Variants in PIEZO2 observed in about 807,000 individuals in gnomAD.
PIEZO2 encodes the protein piezo type mechanosensitive ion channel component 2.
Under a neutral mutation model 337.3 loss-of-function variants are expected in PIEZO2, and 172 were observed. That is an observed-to-expected ratio of 0.51 (90% CI 0.45 to 0.58). PIEZO2 has a LOEUF of 0.58. Ranked by LOEUF, PIEZO2 falls within the 20% of genes least tolerant of loss-of-function variation. The probability of loss-of-function intolerance (pLI) is 0.00; values close to 1 mark genes in which losing one functional copy is unlikely to be tolerated. For missense variants in PIEZO2, 3,028 were observed against 3,391.3 expected, an observed-to-expected ratio of 0.89 and a Z score of 2.66; for synonymous variants, 1,251 against 1,228.5, an observed-to-expected ratio of 1.02 and a Z score of -0.38.
chr18:10,759,989 T>A lies in PIEZO2; in HGVS notation c.3451-80A>T. On this transcript the variant is annotated intron_variant, in intron 24 of 55. Coordinates refer to ENST00000674853, the MANE Select transcript of PIEZO2 (RefSeq NM_001378183.1). The surrounding 1 kb of genome is among the most constrained non-coding windows in gnomAD (Gnocchi z 5.5). ...ACTGGTGATAGGTGTCAGGTCTGTGTAGATGGCGGAGACCCATGTCCCTCA... is the reference window on the plus strand; with the variant it reads ...ACTGGTGATAGGTGTCAGGTCTGTGAAGATGGCGGAGACCCATGTCCCTCA... The A allele has an allele frequency of 7.8e-7, 1 of 1,288,756 alleles. No individual in the cohort carries two copies. Among genetic ancestry groups the A allele is most frequent in the Non-Finnish European group, 1.1e-6 (1 of 929,442 alleles). 79.8% of individuals were successfully genotyped at this position (1,288,756 alleles called of 1,614,324 possible).
Position 10,975,628 on chromosome 18 carries a change from C to T in PIEZO2, c.286+3907G>A, listed in dbSNP as rs907932551. Among the ~76,000 whole-genome samples, 12 of 152,240 alleles carry T rather than the reference C, an allele frequency of 7.9e-5. 1 individual carries two copies. Among genetic ancestry groups the T allele is most frequent in the South Asian group, 4.2e-4 (2 of 4,818 alleles). On this transcript the variant is annotated intron_variant, in intron 3 of 55. Transcript: ENST00000674853. ...TAATATTCACAGGACTCTGGAGGAA[C>T]GAGAACTTTCAATGACTCAATATTT... is the stretch of plus-strand genomic sequence containing the variant.
Position 10,726,693 on chromosome 18 carries a change from C to T in PIEZO2, c.5029+4714G>A. 7.0e-7 allele frequency: 1 copy of T among 1,427,248 alleles called. No homozygotes were observed. Among genetic ancestry groups the T allele is most frequent in the Non-Finnish European group, 9.8e-7 (1 of 1,024,516 alleles). 88.4% of individuals were successfully genotyped at this position (1,427,248 alleles called of 1,614,324 possible). On this transcript the variant is annotated intron_variant, in intron 36 of 55. Coordinates refer to ENST00000674853, the MANE Select transcript of PIEZO2 (RefSeq NM_001378183.1). This position sits in a 1 kb window ranked among gnomAD's most constrained non-coding sequence, Gnocchi z 5.9. ...CGCTGCCAAGTTAATTCAGCAAGGA[C>T]CAGGTGTACCTGAACGGCATCCTGT...
chr18:10,976,636 G>A (rs548183363), intron 3 of PIEZO2, among the ~76,000 whole-genome samples: 12 of 152,288 alleles, frequency 7.9e-5, no homozygotes, highest in Admixed American at 4.6e-4. Context: ...CAAAAAAAAG[G>A]AAAGGGAAGA....
At chr18:10,835,275 C>CT (rs2040972542) in intron 7 of PIEZO2, among the ~76,000 whole-genome samples, 1 of 141,384 alleles carries the variant, frequency 7.1e-6, no homozygotes, top group Non-Finnish European at 1.5e-5. Context: ...CCAATGACCT[C>CT]ATTTTTTTTT....
intron 2 of PIEZO2, among the ~76,000 whole-genome samples, chr18:10,992,092 G>A (rs989927110): frequency 6.6e-6 from 1 of 151,888 alleles, no homozygotes; most frequent in African/African-American, 2.4e-5. Context: ...TTTTTTTCTT[G>A]TAAATTTGTT....
chr18:11,118,842 G>A (rs2039958259), intron 1 of PIEZO2, among the ~76,000 whole-genome samples: 1 of 151,916 alleles, frequency 6.6e-6, no homozygotes, highest in African/African-American at 2.4e-5. Flanking sequence ...CTTAGATAAC[G>A]GTTGCAGACA....
chr18:10,758,083 T>C lies in PIEZO2; in HGVS notation c.3809A>G (p.Asp1270Gly). The change falls in exon 27 of 56, where the codon GAT (aspartate) becomes GGT (glycine). Residue 1270 changes from aspartate to glycine, a missense_variant. Physicochemically the swap from Asp to Gly is moderately conservative, Grantham distance 94 (BLOSUM62 -1). Around this residue, in one of 5 missense-constraint regions of PIEZO2, gnomAD observed 1,925 missense variants for 2,051.9 expected, o/e 0.94. Transcript: ENST00000674853. ...GATTCGCACTGCAGCCTTGTTCTCATCCTCAAAAATCTGCCGTTGTAAGGA... is the reference window on the plus strand; with the variant it reads ...GATTCGCACTGCAGCCTTGTTCTCACCCTCAAAAATCTGCCGTTGTAAGGA... ...CASLQRQIFE[D>G]ENKAAVRIMA... 6.5e-7 allele frequency: 1 copy of C among 1,537,568 alleles called. No homozygotes were observed. The highest frequency in any genetic ancestry group is 8.7e-7 in the Non-Finnish European group (1 of 1,146,892).
chr18:10,927,360 G>T (rs2031806915), intron 3 of PIEZO2, among the ~76,000 whole-genome samples: 1 of 152,186 alleles, frequency 6.6e-6, no homozygotes, highest in East Asian at 1.9e-4. Flanking sequence ...TACTTAGCAG[G>T]ATGCAGTTTC....
rs1000858920 is a variant in PIEZO2 at position 10,815,620 on chromosome 18, T to C, written c.918-8346A>G. 6.6e-6 allele frequency among the ~76,000 whole-genome samples: 1 copy of C among 152,218 alleles called. No homozygotes were observed. Among genetic ancestry groups the C allele is most frequent in the South Asian group, 2.1e-4 (1 of 4,830 alleles). ...TCAATTTCTTCCTTGTATAAAAGTA[T>C]AGATGTATATAGTTCAAGCTAGAAT... On this transcript the variant is annotated intron_variant, in intron 7 of 55. Transcript: ENST00000674853. This position sits in a 1 kb window ranked among gnomAD's most constrained non-coding sequence, Gnocchi z 4.1.
rs1317744986 is a variant in PIEZO2, at chr18:11,105,199, C to T, written c.65-38977G>A. Among the ~76,000 whole-genome samples the T allele has an allele frequency of 6.6e-6, 1 of 152,078 alleles. No homozygotes were observed. The highest frequency in any genetic ancestry group is 1.5e-5 in the Non-Finnish European group (1 of 68,014). On this transcript the variant is annotated intron_variant, in intron 1 of 55. Transcript: ENST00000674853. The surrounding 1 kb of genome is among the most constrained non-coding windows in gnomAD (Gnocchi z 4.3). ...ATAAATCGCCCATTTTCTTTGACCA[C>T]GATTTGGCTTTGCTTCTGAAACTTG... is the stretch of plus-strand genomic sequence containing the variant.
intron 1 of PIEZO2, among the ~76,000 whole-genome samples, chr18:11,133,482 T>C (rs112858262): frequency 0.25 from 37,775 of 152,028 alleles, 5,329 homozygotes; most frequent in East Asian, 0.43. Context: ...TGTGTGGGTG[T>C]TGCCAAAAGA....
intron 1 of PIEZO2, among the ~76,000 whole-genome samples, chr18:11,107,400 C>A (rs1022946374): frequency 6.6e-6 from 1 of 152,192 alleles, no homozygotes; most frequent in East Asian, 1.9e-4. Flanking sequence ...TGAAAATAAA[C>A]AGATAAAATT....
intron 1 of PIEZO2, among the ~76,000 whole-genome samples, chr18:11,115,224 T>C (rs1474188980): frequency 6.6e-6 from 1 of 152,250 alleles, no homozygotes; most frequent in Non-Finnish European, 1.5e-5. Flanking sequence ...GTGTTTGGGA[T>C]AAATAAATAT....
At position 11,002,605 on chromosome 18, in the gene PIEZO2, A is replaced by C. The variant is rs191201611; in HGVS notation, c.161-22945T>G. 1.2e-4 allele frequency among the ~76,000 whole-genome samples: 18 copies of C among 152,324 alleles called. No homozygotes were observed. The East Asian group carries it at 3.3e-3, about 28-fold the overall frequency. ...CCATTTCCAGAAGGAAATTGGAAAA[A>C]ATATCAGAGCTCAATTTGTAAAGAT... On this transcript the variant is annotated intron_variant, in intron 2 of 55. Transcript: ENST00000674853. This position sits in a 1 kb window ranked among gnomAD's most constrained non-coding sequence, Gnocchi z 4.3.
At chr18:10,796,180 C>T (rs200947726) in intron 12 of PIEZO2, among the ~76,000 whole-genome samples, 5 of 151,352 alleles carry the variant, frequency 3.3e-5, no homozygotes, top group Non-Finnish European at 5.9e-5. Flanking sequence ...CTGGCTAACA[C>T]GGTGAAACCC....
chr18:10,989,857 GGTA>G (rs2145546039), intron 2 of PIEZO2, among the ~76,000 whole-genome samples: 1 of 152,242 alleles, frequency 6.6e-6, no homozygotes, highest in Admixed American at 6.5e-5. Flanking sequence ...ACAACATACT[GGTA>G]GTAGAGTGAA....
At chr18:11,076,406 A>G (rs2038546482) in intron 1 of PIEZO2, among the ~76,000 whole-genome samples, 1 of 152,214 alleles carries the variant, frequency 6.6e-6, no homozygotes, top group Non-Finnish European at 1.5e-5. Flanking sequence ...TAAAATTTTG[A>G]AACCAATCTA....
rs939350377 is a variant in PIEZO2 at position 10,888,381 on chromosome 18, T to C, written c.330-16966A>G. Among the ~76,000 whole-genome samples, 8 of 152,216 alleles carry C rather than the reference T, an allele frequency of 5.3e-5. No individual in the cohort carries two copies. Among genetic ancestry groups the C allele is most frequent in the Non-Finnish European group, 1.2e-4 (8 of 68,030 alleles). ...CTACTTTCTGACACAGTAAGGTTTT[T>C]AGGCCTGTCTTCTACTTTCTCTGCT... On this transcript the variant is annotated intron_variant, in intron 4 of 55. Transcript: ENST00000674853. This position sits in a 1 kb window ranked among gnomAD's most constrained non-coding sequence, Gnocchi z 4.1.
intron 3 of PIEZO2, among the ~76,000 whole-genome samples, chr18:10,948,448 A>G (rs1011878175): frequency 3.9e-5 from 6 of 152,194 alleles, no homozygotes; most frequent in Non-Finnish European, 7.3e-5. Flanking sequence ...GCAAATGCCA[A>G]ATAACCCTAA....
Sources: gnomAD v4.1 joint callset for allele counts (sites outside exome capture counted in the v4.1 genomes callset) on GRCh38, gnomAD v4.1.1 for gene constraint, gnomAD v4.1.1 regional missense constraint, Gnocchi (gnomAD v3.1) non-coding constraint, MANE v1.5 for transcripts, NCBI Gene and HGNC (gene_info 2026-07-23, HGNC 2026-07-21) for gene names.